Variants in LRIG1 observed in about 807,000 individuals in gnomAD.
LRIG1 encodes leucine rich repeats and immunoglobulin like domains 1, also known as leucine-rich repeats and immunoglobulin-like domains protein 1.
Under a neutral mutation model 99.2 loss-of-function variants are expected in LRIG1, and 48 were observed. The ratio of observed to expected loss-of-function variants is 0.48; its 90% CI spans 0.38 to 0.62. The LOEUF (loss-of-function observed/expected upper bound fraction) is 0.62. LRIG1 is among the 20% of genes least tolerant of loss of function. The probability of loss-of-function intolerance (pLI) is 0.00; values close to 1 mark genes in which losing one functional copy is unlikely to be tolerated. For synonymous variants in LRIG1, 772 were observed against 596.1 expected, an observed-to-expected ratio of 1.29 and a Z score of -4.30; for missense variants, 1,646 against 1,434.4, an observed-to-expected ratio of 1.15 and a Z score of -2.38.
At chr3:66,445,672 G>C (rs745516812) in intron 3 of LRIG1, among the ~76,000 whole-genome samples, 7 of 152,194 alleles carry the variant, frequency 4.6e-5, no homozygotes, top group Non-Finnish European at 5.9e-5. Context: ...ATGGAAAAAT[G>C]TTTCACATCA....
chr3:66,406,110 G>C (rs1365782756), intron 8 of LRIG1: 1 of 985,476 alleles, frequency 1.0e-6, no homozygotes, highest in Non-Finnish European at 1.2e-6. Context: ...TCTCCTGTGA[G>C]AAGCTGCAGC....
At chr3:66,387,604 A>G (rs978512099) in intron 12 of LRIG1, 2 of 152,138 alleles carry the variant, frequency 1.3e-5, no homozygotes, top group African/African-American at 4.8e-5. Flanking sequence ...GGAATATCCA[A>G]TTTCCAGAGT....
At chr3:66,384,758 G>T (rs892334849) in intron 13 of LRIG1, among the ~76,000 whole-genome samples, 1 of 152,170 alleles carries the variant, frequency 6.6e-6, no homozygotes, top group Non-Finnish European at 1.5e-5. Flanking sequence ...TGTTCACCCA[G>T]GCTGTTCCTG....
chr3:66,400,585 GC>G (rs984407140), intron 9 of LRIG1, among the ~76,000 whole-genome samples: 1 of 152,178 alleles, frequency 6.6e-6, no homozygotes. Context: ...ATCTGGCCCA[GC>G]CCCCTACTGG....
chr3:66,379,058 GTAATTGTTAACTATT>G lies in LRIG1; in HGVS notation c.*1190_*1204del, dbSNP rs1700868475. 1 of 152,680 alleles carries G rather than the reference GTAATTGTTAACTATT, an allele frequency of 6.5e-6. No homozygotes were observed. The highest frequency in any genetic ancestry group is 1.5e-5 in the Non-Finnish European group (1 of 68,046). 9.5% of individuals were successfully genotyped at this position (152,680 alleles called of 1,614,324 possible). On this transcript the variant is annotated 3_prime_UTR_variant, in exon 19 of 19. Coordinates refer to ENST00000273261, the MANE Select transcript of LRIG1 (RefSeq NM_015541.3). ...TTTTGAACAGTGATGACACCTGACA[GTAATTGTTAACTATT>G]TTCTCAGTAACTCCCTTCAGCTTTT... is the stretch of plus-strand genomic sequence containing the variant.
chr3:66,381,138 A>G (rs1332383189), intron 17 of LRIG1, among the ~76,000 whole-genome samples: 1 of 152,198 alleles, frequency 6.6e-6, no homozygotes, highest in African/African-American at 2.4e-5. Context: ...CTTAGGTACC[A>G]TGCAGTGTTG....
At chr3:66,383,515 C>G in intron 14 of LRIG1, 114 bp from the exon 15 acceptor site, 1 of 952,804 alleles carries the variant, frequency 1.0e-6, no homozygotes, top group Non-Finnish European at 1.5e-6. Context: ...ATCTGAGATT[C>G]TGTCTCAGAG....
At chr3:66,477,677 C>G (rs574859207) in intron 1 of LRIG1, among the ~76,000 whole-genome samples, 10 of 152,286 alleles carry the variant, frequency 6.6e-5, no homozygotes, top group African/African-American at 1.9e-4. Context: ...CTTATCCTTT[C>G]CACCTTTCTT....
chr3:66,379,252 A>G lies in LRIG1; in HGVS notation c.*1011T>C, dbSNP rs1482280688. ...TCCTTTCCAGTCCCAGCTCAGTTTCATCTGTGCGAAGGAATGGCATGGACA... is the reference window on the plus strand; with the variant it reads ...TCCTTTCCAGTCCCAGCTCAGTTTCGTCTGTGCGAAGGAATGGCATGGACA... On this transcript the variant is annotated 3_prime_UTR_variant, in exon 19 of 19. Transcript: ENST00000273261. 2.0e-5 allele frequency: 3 copies of G among 152,614 alleles called. No individual in the cohort carries two copies. The allele number at this position is 152,614 out of a possible 1,614,324, so 9.5% of individuals were successfully genotyped here.
chr3:66,402,893 G>A (rs1702113706), intron 9 of LRIG1, among the ~76,000 whole-genome samples: 1 of 152,156 alleles, frequency 6.6e-6, no homozygotes, highest in Admixed American at 6.5e-5. Context: ...TAGGCGGGTG[G>A]GGAGGGGACC....
At chr3:66,493,438 T>C (rs1200738058) in intron 1 of LRIG1, among the ~76,000 whole-genome samples, 1 of 152,226 alleles carries the variant, frequency 6.6e-6, no homozygotes, top group East Asian at 1.9e-4. Flanking sequence ...CATAGCTTCC[T>C]GCCTGTTTGG....
intron 3 of LRIG1, among the ~76,000 whole-genome samples, chr3:66,439,243 AG>A (rs1703463592): frequency 6.6e-6 from 1 of 152,262 alleles, no homozygotes; most frequent in Non-Finnish European, 1.5e-5. Flanking sequence ...TCAACACGCC[AG>A]CTCTCATTCC....
intron 1 of LRIG1, among the ~76,000 whole-genome samples, chr3:66,471,670 C>T (rs774980687): frequency 6.6e-6 from 1 of 152,222 alleles, no homozygotes; most frequent in Non-Finnish European, 1.5e-5. Flanking sequence ...ATGAAAACCA[C>T]GCTCTACTGC....
At chr3:66,393,590 A>C (rs1701712348) in intron 12 of LRIG1, among the ~76,000 whole-genome samples, 1 of 152,246 alleles carries the variant, frequency 6.6e-6, no homozygotes, top group Non-Finnish European at 1.5e-5. Flanking sequence ...GCAAGAGTAC[A>C]AGTCAACATC....
intron 7 of LRIG1, among the ~76,000 whole-genome samples, chr3:66,408,499 G>A (rs1013967233): frequency 6.6e-6 from 1 of 152,144 alleles, no homozygotes; most frequent in African/African-American, 2.4e-5. Context: ...CCTTCTAGAG[G>A]GCATGGAAGA....
intron 12 of LRIG1, among the ~76,000 whole-genome samples, chr3:66,393,417 G>A (rs1701702165): frequency 6.6e-6 from 1 of 152,248 alleles, no homozygotes; most frequent in African/African-American, 2.4e-5. Context: ...GTCTGAGCTA[G>A]CCTGCGTGTG....
At chr3:66,391,131 G>A (rs1219934037) in intron 12 of LRIG1, among the ~76,000 whole-genome samples, 2 of 152,110 alleles carry the variant, frequency 1.3e-5, no homozygotes, top group Non-Finnish European at 1.5e-5. Context: ...ACACTCACGA[G>A]TACATCCAAA....
At position 66,405,184 on chromosome 3, in the gene LRIG1, C is replaced by A; in HGVS notation, c.1160+14G>T. On this transcript the variant is annotated intron_variant, in intron 9 of 18. Coordinates refer to ENST00000273261, the MANE Select transcript of LRIG1 (RefSeq NM_015541.3). ...GCGCATTTGCCGGCGGAGCTCCGTG[C>A]GGCGGATACTCACAGCTTGCTGAGG... 3.7e-6 allele frequency: 6 copies of A among 1,612,600 alleles called. No individual in the cohort carries two copies. The highest frequency in any genetic ancestry group is 5.1e-6 in the Non-Finnish European group (6 of 1,178,844).
intron 1 of LRIG1, among the ~76,000 whole-genome samples, chr3:66,474,684 ACACGCCTGTC>A (rs1700678940): frequency 6.6e-6 from 1 of 151,964 alleles, no homozygotes; most frequent in South Asian, 2.1e-4. Context: ...TCACCCCACC[ACACGCCTGTC>A]CCCTCCCCAA....
Sources: allele counts gnomAD v4.1 joint callset (sites outside exome capture counted in the v4.1 genomes callset), GRCh38; gene constraint gnomAD v4.1.1; transcripts MANE v1.5; gene names NCBI Gene and HGNC (gene_info 2026-07-23, HGNC 2026-07-21).